The following CACNG4 variants were observed in gnomAD, a reference collection of about 807,000 sequenced individuals.
CACNG4 encodes voltage-dependent calcium channel gamma-4 subunit.
CACNG4 carries 8 observed loss-of-function variants against 22.9 expected under a neutral mutation model. The observed-to-expected ratio is 0.35, with a 90% confidence interval of 0.21 to 0.63. CACNG4 has a LOEUF of 0.63. CACNG4 is among the 30% of genes least tolerant of loss of function. CACNG4 has a pLI of 0.72. For synonymous variants in CACNG4, 188 were observed against 191.9 expected, an observed-to-expected ratio of 0.98 and a Z score of 0.17; for missense variants, 357 against 455.4, an observed-to-expected ratio of 0.78 and a Z score of 1.97.
At chr17:67,011,308 G>A (rs1016651522) in intron 1 of CACNG4, among the ~76,000 whole-genome samples, 6 of 152,088 alleles carry the variant, frequency 3.9e-5, no homozygotes, top group African/African-American at 7.2e-5. Context: ...CTGAAATCAC[G>A]TATGTGAGCA....
Position 67,027,364 on chromosome 17 carries a change from G to C in CACNG4, c.445+2364G>C, listed in dbSNP as rs1395646584. Among the ~76,000 whole-genome samples, 1 of 152,222 alleles carries C rather than the reference G, an allele frequency of 6.6e-6. No homozygotes were observed. Among genetic ancestry groups the C allele is most frequent in the Non-Finnish European group, 1.5e-5 (1 of 68,046 alleles). ...GAGTCCAGGCAGAGAAGGTGGCCGCGGCTGGCTGCAAGGAAGCAATGGGGA... is the reference window on the plus strand; with the variant it reads ...GAGTCCAGGCAGAGAAGGTGGCCGCCGCTGGCTGCAAGGAAGCAATGGGGA... On this transcript the variant is annotated intron_variant, in intron 3 of 3. Transcript: ENST00000262138. The surrounding 1 kb of genome is among the most constrained non-coding windows in gnomAD (Gnocchi z 4.3).
chr17:67,006,444 G>A (rs2035438322), intron 1 of CACNG4, among the ~76,000 whole-genome samples: 1 of 152,166 alleles, frequency 6.6e-6, no homozygotes, highest in Non-Finnish European at 1.5e-5. Flanking sequence ...TGCTTACTCA[G>A]CCTCAGTACT....
Position 67,031,706 on chromosome 17 carries a change from CTT to C in CACNG4, c.*704_*705del, listed in dbSNP as rs1352977299. ...GCTGGGGGCTGTTGCTGGCTATCCT[CTT>C]TGCTTCTGGAAGTTTCTGCCTCACT... On this transcript the variant is annotated 3_prime_UTR_variant, in exon 4 of 4. Transcript: ENST00000262138. This position sits in a 1 kb window ranked among gnomAD's most constrained non-coding sequence, Gnocchi z 4.0. 11 of 456,660 alleles carry C rather than the reference CTT, an allele frequency of 2.4e-5. No homozygotes were observed. Among genetic ancestry groups the C allele is most frequent in the Admixed American group, 2.1e-4 (9 of 42,564 alleles). 28.3% of individuals were successfully genotyped at this position (456,660 alleles called of 1,614,324 possible).
At chr17:66,978,428 G>A (rs941322814) in intron 1 of CACNG4, among the ~76,000 whole-genome samples, 1 of 152,232 alleles carries the variant, frequency 6.6e-6, no homozygotes, top group South Asian at 2.1e-4. Context: ...TCAGAGGAAG[G>A]GGGGCTTCGG....
At chr17:66,974,450 A>G (rs551250207) in intron 1 of CACNG4, among the ~76,000 whole-genome samples, 10 of 152,252 alleles carry the variant, frequency 6.6e-5, no homozygotes, top group Non-Finnish European at 1.5e-4. Flanking sequence ...TTGGACCTCT[A>G]GAGTTCAAAA....
chr17:67,022,662 G>T (rs530639196), intron 2 of CACNG4, among the ~76,000 whole-genome samples: 1 of 152,392 alleles, frequency 6.6e-6, no homozygotes, highest in South Asian at 2.1e-4. Context: ...CGCTCAGCTG[G>T]CTGGGGAGGG....
intron 1 of CACNG4, among the ~76,000 whole-genome samples, chr17:66,979,583 G>A (rs563451978): frequency 1.3e-5 from 2 of 151,680 alleles, no homozygotes; most frequent in South Asian, 4.2e-4. Context: ...ATGGGAATGA[G>A]GAGTGACTTA....
intron 1 of CACNG4, among the ~76,000 whole-genome samples, chr17:66,968,039 C>T (rs1598098331): frequency 6.6e-6 from 1 of 152,322 alleles, no homozygotes; most frequent in Non-Finnish European, 1.5e-5. Flanking sequence ...GCCTTGTGCA[C>T]ATTACCGCGT....
Position 67,027,108 on chromosome 17 carries a change from C to T in CACNG4, c.445+2108C>T. Reference sequence around the variant, plus strand: ...TGTGAGCCCAACCCCACCATCCCTGCTCCTGCGGAGGAGGCACACAGGCGG... The same window carrying T: ...TGTGAGCCCAACCCCACCATCCCTGTTCCTGCGGAGGAGGCACACAGGCGG... On this transcript the variant is annotated intron_variant, in intron 3 of 3. Coordinates refer to ENST00000262138, the MANE Select transcript of CACNG4 (RefSeq NM_014405.4). This position sits in a 1 kb window ranked among gnomAD's most constrained non-coding sequence, Gnocchi z 4.3. 6.6e-6 allele frequency among the ~76,000 whole-genome samples: 1 copy of T among 152,224 alleles called. No individual in the cohort carries two copies. Among genetic ancestry groups the T allele is most frequent in the Non-Finnish European group, 1.5e-5 (1 of 68,040 alleles).
chr17:67,022,049 G>A (rs1175248090), intron 2 of CACNG4, among the ~76,000 whole-genome samples: 1 of 151,300 alleles, frequency 6.6e-6, no homozygotes, highest in Admixed American at 6.6e-5. Context: ...CCAAGCCTGG[G>A]CATCCAGTGA....
chr17:67,021,362 C>G (rs2143361741), intron 2 of CACNG4, among the ~76,000 whole-genome samples: 1 of 152,354 alleles, frequency 6.6e-6, no homozygotes, highest in Middle Eastern at 3.4e-3. Context: ...TGCAGGATGC[C>G]TGTTTCAGGC....
At chr17:66,982,309 G>A (rs36053928) in intron 1 of CACNG4, among the ~76,000 whole-genome samples, 50,522 of 152,016 alleles carry the variant, frequency 0.33, 9,326 homozygotes, top group Non-Finnish European at 0.42. Flanking sequence ...TGATTGGTTC[G>A]TTTTACAGAG....
intron 1 of CACNG4, among the ~76,000 whole-genome samples, chr17:67,017,642 C>T (rs553109309): frequency 2.0e-5 from 3 of 152,234 alleles, no homozygotes; most frequent in East Asian, 1.9e-4. Flanking sequence ...CTCAGCCTCC[C>T]GAGTAGCTGG....
In CACNG4 at chr17:66,989,734, C is replaced by T. The variant is rs926930256; in HGVS notation, c.220+24603C>T. ...AAAAGAAAGTTGATTTTGTTAGCAA[C>T]GGTGTGTTGAGAACTCCCTTTGTAG... On this transcript the variant is annotated intron_variant, in intron 1 of 3. Transcript: ENST00000262138. 1.1e-4 allele frequency among the ~76,000 whole-genome samples: 16 copies of T among 151,438 alleles called. 1 individual carries two copies. Among genetic ancestry groups the T allele is most frequent in the Non-Finnish European group, 2.2e-4 (15 of 68,024 alleles).
intron 3 of CACNG4, among the ~76,000 whole-genome samples, chr17:67,028,909 CAT>C (rs2143378236): frequency 6.6e-6 from 1 of 152,324 alleles, no homozygotes; most frequent in Admixed American, 6.5e-5. Flanking sequence ...TGATAATATT[CAT>C]GATAGGCTGT....
intron 1 of CACNG4, among the ~76,000 whole-genome samples, chr17:66,983,776 G>A (rs780449622): frequency 2.6e-5 from 4 of 152,202 alleles, no homozygotes; most frequent in Non-Finnish European, 5.9e-5. Flanking sequence ...CCACCCACTG[G>A]CACACTTTCA....
chr17:67,029,539 C>A (rs936861487), intron 3 of CACNG4, among the ~76,000 whole-genome samples: 8 of 151,984 alleles, frequency 5.3e-5, no homozygotes, highest in Non-Finnish European at 1.0e-4. Context: ...GAGGCTGAGG[C>A]GGGAGAATTG....
At chr17:66,976,726 C>T (rs566660972) in intron 1 of CACNG4, among the ~76,000 whole-genome samples, 7 of 152,246 alleles carry the variant, frequency 4.6e-5, no homozygotes, top group East Asian at 3.9e-4. Context: ...AGAAGCACAG[C>T]GGCCGTGCTC....
At chr17:67,004,112 C>G (rs769465230) in intron 1 of CACNG4, among the ~76,000 whole-genome samples, 19 of 152,122 alleles carry the variant, frequency 1.2e-4, no homozygotes, top group Non-Finnish European at 2.8e-4. Context: ...CCTAGTTGTT[C>G]CTCATTAAAA....
Sources: gnomAD v4.1 joint callset for allele counts (sites outside exome capture counted in the v4.1 genomes callset) on GRCh38, gnomAD v4.1.1 for gene constraint, Gnocchi (gnomAD v3.1) non-coding constraint, MANE v1.5 for transcripts, NCBI Gene and HGNC (gene_info 2026-07-23, HGNC 2026-07-21) for gene names.